ASNS: variants seen among roughly 807,000 people sequenced by gnomAD.
ASNS encodes asparagine synthetase [glutamine-hydrolyzing].
ASNS carries 37 observed loss-of-function variants against 62.6 expected under a neutral mutation model. The observed-to-expected ratio is 0.59, with a 90% CI of 0.45 to 0.78. ASNS has a LOEUF of 0.78. ASNS is among the 30% of genes least tolerant of loss of function. The pLI, the probability that ASNS is intolerant of heterozygous loss-of-function variation, is 0.00. For synonymous variants in ASNS, 207 were observed against 237.9 expected (o/e 0.87, Z 1.19); for missense variants, 520 against 682.4 (o/e 0.76, Z 2.65).
At chr7:97,877,934 G>T in the ASNS span, among the ~76,000 whole-genome samples, 151,965 of 152,026 alleles carry the variant, frequency 1, 75,952 homozygotes, top group Middle Eastern at 1. Context: ...TATAAGGGAG[G>T]GGTTCTCTTG....
chr7:97,904,448 G>A, the ASNS span, among the ~76,000 whole-genome samples: 19 of 152,070 alleles, frequency 1.2e-4, no homozygotes, highest in African/African-American at 4.3e-4. Flanking sequence ...TCTGCAGGGA[G>A]GTGTGGGGTG....
At chr7:97,867,285 T>C (rs997457156) in intron 3 of ASNS, among the ~76,000 whole-genome samples, 1 of 131,258 alleles carries the variant, frequency 7.6e-6, no homozygotes, top group African/African-American at 2.5e-5. Flanking sequence ...AGTGGTAAAC[T>C]TTATTTTTAC....
At chr7:97,909,537 G>A in the ASNS span, among the ~76,000 whole-genome samples, 4 of 151,550 alleles carry the variant, frequency 2.6e-5, no homozygotes, top group Admixed American at 6.6e-5. Flanking sequence ...TCAAACTCTC[G>A]GCCTCAAGTG....
At chr7:97,886,004 GC>G in the ASNS span, 1 of 587,874 alleles carries the variant, frequency 1.7e-6, no homozygotes. Flanking sequence ...ATGCCTGGGT[GC>G]CCAATGATGA....
At chr7:97,854,975 C>CTT (rs71532083) in intron 9 of ASNS, 397 of 244,206 alleles carry the variant, frequency 1.6e-3, no homozygotes, top group East Asian at 3.0e-3. Context: ...TTATTTTTAA[C>CTT]TTTTTTTTTT....
upstream of ASNS, among the ~76,000 whole-genome samples, chr7:97,876,413 A>AT (rs1248064054): frequency 3.3e-5 from 5 of 150,636 alleles, no homozygotes; most frequent in African/African-American, 1.2e-4. Context: ...TGGTTGACAC[A>AT]TAAGGACTCA....
In ASNS at chr7:97,852,329, G is replaced by A. The variant is rs1182799813; in HGVS notation, c.1616C>T (p.Pro539Leu). 19 of 1,613,990 alleles carry A rather than the reference G, an allele frequency of 1.2e-5. No homozygotes were observed. The highest frequency in any genetic ancestry group is 1.4e-5 in the Non-Finnish European group (17 of 1,180,032). Residue 539 changes from proline (P) to leucine (L), a missense_variant, in exon 13 of 13, where the codon CCC becomes CTC. Physicochemically the swap from Pro to Leu is moderately conservative, Grantham distance 98. Coordinates refer to ENST00000394308, the MANE Select transcript of ASNS (RefSeq NM_001673.5). Reference sequence around the variant, plus strand: ...AGGGTCAGTGGCATTGATCCACTTGGGCATCCAGTAATGGCTCAGCCAGTC... The same window carrying A: ...AGGGTCAGTGGCATTGATCCACTTGAGCATCCAGTAATGGCTCAGCCAGTC... The part of the protein sequence containing the change: ...RADWLSHYWM[P>L]KWINATDPSA...
the ASNS span, among the ~76,000 whole-genome samples, chr7:97,904,350 A>C: frequency 6.6e-6 from 1 of 150,986 alleles, no homozygotes; most frequent in South Asian, 2.1e-4. Flanking sequence ...GATTGGTCAG[A>C]ATAGGTGAGG....
the ASNS span, among the ~76,000 whole-genome samples, chr7:97,911,634 T>A: frequency 1.4e-4 from 21 of 152,036 alleles, no homozygotes; most frequent in African/African-American, 4.6e-4. Context: ...AGACCCTGTC[T>A]CAAACAAACA....
the ASNS span, among the ~76,000 whole-genome samples, chr7:97,896,739 CACATATATATAT>C: frequency 0.11 from 3,525 of 32,012 alleles, 247 homozygotes; most frequent in African/African-American, 0.18. Context: ...CACACACACA[CACATATATATAT>C]ATATATATAT....
chr7:97,883,945 G>T, the ASNS span, among the ~76,000 whole-genome samples: 1 of 142,094 alleles, frequency 7.0e-6, no homozygotes, highest in South Asian at 2.2e-4. Flanking sequence ...CCGAGATCGC[G>T]CCACTGCACT....
At chr7:97,860,389 T>G (rs17169185) in intron 4 of ASNS, among the ~76,000 whole-genome samples, 14,769 of 152,234 alleles carry the variant, frequency 0.097, 882 homozygotes, top group African/African-American at 0.17. Flanking sequence ...AAGTTCCATA[T>G]CAAGTGATCA....
the ASNS span, chr7:97,898,437 C>T: frequency 1.9e-6 from 1 of 519,804 alleles, no homozygotes; most frequent in Non-Finnish European, 3.6e-6. Flanking sequence ...ACTACCTTCA[C>T]CACGAAGCTC....
intron 7 of ASNS, 147 bp from the exon 8 acceptor site, chr7:97,856,963 C>G: frequency 1.3e-6 from 1 of 787,792 alleles, no homozygotes; most frequent in African/African-American, 1.7e-5. Context: ...TTACAGCCCA[C>G]CACATACAAG....
chr7:97,869,605 C>T (rs1792153523), intron 2 of ASNS, among the ~76,000 whole-genome samples, 173 bp downstream of exon 2: 2 of 152,230 alleles, frequency 1.3e-5, no homozygotes, highest in African/African-American at 4.8e-5. Context: ...AAAGATCCAA[C>T]AGACTTTCCA....
At chr7:97,927,699 TCTC>T in the ASNS span, among the ~76,000 whole-genome samples, 2 of 152,270 alleles carry the variant, frequency 1.3e-5, no homozygotes, top group East Asian at 3.8e-4. Context: ...ACCTCTCCCT[TCTC>T]ATCCTTTCCG....
chr7:97,864,272 A>G lies in ASNS; in HGVS notation c.474T>C (p.Cys158=), dbSNP rs769948930. The change falls in exon 4 of 13, where the codon TGT becomes TGC. Residue 158 remains cysteine, a synonymous_variant. Transcript: ENST00000394308. ...AMTEDGFLAV[C]SEAKGLVTLK... The stretch of plus-strand genomic sequence containing the variant: ...ATTTATTATTACCTTTAGCTTCTGA[A>G]CATACAGCCAAAAATCCATCTTCTG... 5 of 1,613,186 alleles carry G rather than the reference A, an allele frequency of 3.1e-6. No individual in the cohort carries two copies. The highest frequency in any genetic ancestry group is 4.2e-6 in the Non-Finnish European group (5 of 1,179,500).
intron 10 of ASNS, 78 bp from the exon 11 acceptor site, chr7:97,853,464 C>A: frequency 8.1e-7 from 1 of 1,230,776 alleles, no homozygotes. Flanking sequence ...TTCAGTTTCC[C>A]ATCAATTCAA....
the ASNS span, among the ~76,000 whole-genome samples, chr7:97,896,678 G>T: frequency 7.8e-6 from 1 of 129,032 alleles, no homozygotes; most frequent in Non-Finnish European, 1.6e-5. Context: ...ATATGTGTGT[G>T]TGTATATATA....
Sources: allele counts gnomAD v4.1 joint callset (sites outside exome capture counted in the v4.1 genomes callset), GRCh38; gene constraint gnomAD v4.1.1; transcripts MANE v1.5; gene names NCBI Gene and HGNC (gene_info 2026-07-23, HGNC 2026-07-21).